Variants in TDRP observed in about 807,000 individuals in gnomAD.
TDRP encodes testis development related protein.
In TDRP, 12 loss-of-function variants were observed where a neutral mutation model predicts 10.5. That is an observed-to-expected ratio of 1.15 (90% CI 0.73 to 1.86). The LOEUF (loss-of-function observed/expected upper bound fraction) is 1.86, where lower values mean the gene tolerates loss of function less well. Ranked by LOEUF, TDRP falls within the 40% of genes most tolerant of loss-of-function variation. TDRP has a pLI of 0.00. For synonymous variants in TDRP, 139 were observed against 95.4 expected (o/e 1.46, Z -2.67); for missense variants, 353 against 229.2 (o/e 1.54, Z -3.49).
Position 491,469 on chromosome 8 carries a change from A to T in TDRP, c.*930T>A. 1 of 755,700 alleles carries T rather than the reference A, an allele frequency of 1.3e-6. No individual in the cohort carries two copies. The highest frequency in any genetic ancestry group is 1.9e-6 in the Non-Finnish European group (1 of 515,880). The allele number at this position is 755,700 out of a possible 1,614,324, so 46.8% of individuals were successfully genotyped here. On this transcript the variant is annotated 3_prime_UTR_variant, in exon 3 of 3. Coordinates refer to ENST00000324079, the MANE Select transcript of TDRP (RefSeq NM_001384899.1). ...GATGCTCTCAAACCGGTCGTCGATT[A>T]TTCTTGTGGAAAAAACACAGCTTCT... is the stretch of plus-strand genomic sequence containing the variant.
In TDRP at chr8:544,645, C is replaced by A; in HGVS notation, c.108+5G>T. 1 of 1,232,690 alleles carries A rather than the reference C, an allele frequency of 8.1e-7. No homozygotes were observed. The highest frequency in any genetic ancestry group is 1.0e-6 in the Non-Finnish European group (1 of 988,190). 76.4% of individuals were successfully genotyped at this position (1,232,690 alleles called of 1,614,324 possible). On this transcript the variant is annotated splice_donor_5th_base_variant and intron_variant, in intron 1 of 2. Transcript: ENST00000324079. ...CTAGCACTCCCCACCTGCGCACCCC[C>A]TCACCTGCGCCTGGGCGGCGGCGGC...
intron 1 of TDRP, among the ~76,000 whole-genome samples, chr8:514,870 G>C (rs182400956): frequency 2.6e-5 from 4 of 152,264 alleles, no homozygotes; most frequent in African/African-American, 4.8e-5. Flanking sequence ...ACAGGCAGGA[G>C]AGTTTTCTTT....
intron 1 of TDRP, among the ~76,000 whole-genome samples, chr8:536,650 T>C (rs1252014504): frequency 6.6e-6 from 1 of 152,250 alleles, no homozygotes; most frequent in Non-Finnish European, 1.5e-5. Flanking sequence ...AAATTTTATA[T>C]TGATTACCTA....
At chr8:525,729 G>A (rs983101380) in intron 1 of TDRP, among the ~76,000 whole-genome samples, 4 of 152,076 alleles carry the variant, frequency 2.6e-5, no homozygotes, top group Admixed American at 1.3e-4. Context: ...CATACCACAA[G>A]AGAAAATCAC....
intron 1 of TDRP, among the ~76,000 whole-genome samples, chr8:537,111 G>A (rs778237426): frequency 2.0e-5 from 3 of 152,230 alleles, no homozygotes; most frequent in African/African-American, 4.8e-5. Context: ...CCCATCAGGT[G>A]CCGTAATGTG....
intron 1 of TDRP, among the ~76,000 whole-genome samples, chr8:541,636 G>A (rs1277028247): frequency 6.6e-6 from 1 of 152,190 alleles, no homozygotes; most frequent in African/African-American, 2.4e-5. Flanking sequence ...GGACACAGAT[G>A]ACAAGTATGC....
chr8:495,125 C>G (rs1387243431), intron 1 of TDRP: 2 of 154,344 alleles, frequency 1.3e-5, no homozygotes, highest in Non-Finnish European at 2.9e-5. Context: ...TTCAGATACT[C>G]AGGAAGCTGA....
At chr8:523,969 C>T (rs1801972520) in intron 1 of TDRP, among the ~76,000 whole-genome samples, 1 of 152,136 alleles carries the variant, frequency 6.6e-6, no homozygotes. Context: ...GGTAGCCAGG[C>T]AGTGGTTATA....
chr8:493,464 G>A (rs901167423), intron 2 of TDRP, among the ~76,000 whole-genome samples: 2 of 152,246 alleles, frequency 1.3e-5, no homozygotes, highest in Admixed American at 6.5e-5. Flanking sequence ...CCATGTGTCT[G>A]TCCTCAGTGC....
At chr8:531,054 C>CT (rs1802179107) in intron 1 of TDRP, among the ~76,000 whole-genome samples, 1 of 152,162 alleles carries the variant, frequency 6.6e-6, no homozygotes. Flanking sequence ...AGGTGACCCC[C>CT]CAAAATTCAG....
rs1365249988 is a variant in TDRP, at chr8:543,931, G to T, written c.108+719C>A. 1.4e-4 allele frequency among the ~76,000 whole-genome samples: 19 copies of T among 140,258 alleles called. No individual in the cohort carries two copies. The South Asian group carries it at 5.2e-3, about 38-fold the overall frequency. 92.0% of individuals were successfully genotyped at this position (140,258 alleles called of 152,430 possible). A position where few individuals can be genotyped will look rare whatever the true frequency, so the allele number is the denominator to read the frequency against. On this transcript the variant is annotated intron_variant, in intron 1 of 2. Coordinates refer to ENST00000324079, the MANE Select transcript of TDRP (RefSeq NM_001384899.1). ...AGCACTGCAATGGAAAAAGGGAGGGGGGGGGAGGGGGTGGGGGAGGGCACG... is the reference window on the plus strand; with the variant it reads ...AGCACTGCAATGGAAAAAGGGAGGGTGGGGGAGGGGGTGGGGGAGGGCACG...
intron 1 of TDRP, among the ~76,000 whole-genome samples, chr8:500,947 C>G (rs1200892060): frequency 6.6e-6 from 1 of 152,218 alleles, no homozygotes; most frequent in Non-Finnish European, 1.5e-5. Flanking sequence ...TGTCTCACAC[C>G]TGTAATCCCA....
intron 1 of TDRP, among the ~76,000 whole-genome samples, chr8:514,404 T>C (rs1345195): frequency 0.41 from 62,412 of 152,022 alleles, 13,601 homozygotes; most frequent in Non-Finnish European, 0.48. Context: ...GAAAGCCACA[T>C]GTAAGAAAAT....
intron 1 of TDRP, among the ~76,000 whole-genome samples, chr8:499,076 T>A (rs1273491348): frequency 6.6e-6 from 1 of 152,144 alleles, no homozygotes; most frequent in Non-Finnish European, 1.5e-5. Flanking sequence ...ACAAGGTGAT[T>A]CCCCTAAGAT....
At chr8:495,007 G>A (rs1178939478) in intron 1 of TDRP, 4 of 157,622 alleles carry the variant, frequency 2.5e-5, no homozygotes, top group Non-Finnish European at 5.6e-5. Context: ...CAAGGCAGGA[G>A]GATTACTTGA....
rs191232437 is a variant in TDRP, at chr8:528,562, C to G, written c.108+16088G>C. Reference sequence around the variant, plus strand: ...AATATAGTTAGCATAAGATCTGGTACTTGACAGCACAACAGGATGACTACA... The same window carrying G: ...AATATAGTTAGCATAAGATCTGGTAGTTGACAGCACAACAGGATGACTACA... On this transcript the variant is annotated intron_variant, in intron 1 of 2. Transcript: ENST00000324079. 2.5e-4 allele frequency among the ~76,000 whole-genome samples: 35 copies of G among 138,568 alleles called. 1 individual carries two copies. Among genetic ancestry groups the G allele is most frequent in the African/African-American group, 8.9e-4 (35 of 39,192 alleles). 90.9% of individuals were successfully genotyped at this position (138,568 alleles called of 152,430 possible). A position where few individuals can be genotyped will look rare whatever the true frequency, so the allele number is the denominator to read the frequency against.
At chr8:498,991 G>C (rs1470424105) in intron 1 of TDRP, among the ~76,000 whole-genome samples, 1 of 152,116 alleles carries the variant, frequency 6.6e-6, no homozygotes, top group African/African-American at 2.4e-5. Flanking sequence ...GGAACTGTGA[G>C]TCAATTAAAC....
chr8:513,380 T>C lies in TDRP; in HGVS notation c.109-18783A>G, dbSNP rs549339296. Among the ~76,000 whole-genome samples the C allele has an allele frequency of 1.1e-3, 164 of 152,158 alleles. 4 individuals carry two copies. The highest frequency in any genetic ancestry group is 3.4e-3 in the Middle Eastern group (1 of 294). On this transcript the variant is annotated intron_variant, in intron 1 of 2. Transcript: ENST00000324079. ...AGCTCAACATCTGAAAATCCATTAA[T>C]ATAGCAAATGAATAAAAAAAATTAT...
chr8:524,131 G>C (rs1445382858), intron 1 of TDRP, among the ~76,000 whole-genome samples: 3 of 152,204 alleles, frequency 2.0e-5, no homozygotes, highest in South Asian at 2.1e-4. Flanking sequence ...GAGAAAGTAA[G>C]AGAAAACAAC....
Sources: allele counts gnomAD v4.1 joint callset (sites outside exome capture counted in the v4.1 genomes callset), GRCh38; gene constraint gnomAD v4.1.1; transcripts MANE v1.5; gene names NCBI Gene and HGNC (gene_info 2026-07-23, HGNC 2026-07-21).